The following MTMR12 variants were observed in gnomAD, a reference collection of about 807,000 sequenced individuals.
MTMR12 encodes myotubularin-related protein 12.
A neutral mutation model predicts 96.7 loss-of-function variants in MTMR12; 33 were observed. The ratio of observed to expected loss-of-function variants is 0.34; its 90% CI spans 0.26 to 0.46. MTMR12 has a LOEUF of 0.46. Among genes scored for constraint, MTMR12 ranks in the 20% least tolerant of loss-of-function variants. The pLI, the probability that MTMR12 is intolerant of heterozygous loss-of-function variation, is 1.00. For synonymous variants in MTMR12, 298 were observed against 327.2 expected (o/e 0.91, Z 0.96); for missense variants, 721 against 896.1 (o/e 0.80, Z 2.49).
At chr5:32,282,460 T>TAAATAAATA (rs1554062190) in intron 1 of MTMR12, among the ~76,000 whole-genome samples, 1 of 147,902 alleles carries the variant, frequency 6.8e-6, no homozygotes, top group African/African-American at 2.5e-5. Context: ...AATAAATAAA[T>TAAATAAATA]AAATAAAATA....
At position 32,227,467 on chromosome 5, in the gene MTMR12, T is replaced by TA. The variant is rs1747777414; in HGVS notation, c.*2310dup. 3 of 152,652 alleles carry TA rather than the reference T, an allele frequency of 2.0e-5. No individual in the cohort carries two copies. The highest frequency in any genetic ancestry group is 4.8e-5 in the African/African-American group (2 of 41,464). The allele number at this position is 152,652 out of a possible 1,614,324, so 9.5% of individuals were successfully genotyped here. ...ACAGCTTATTTTTCTATTGTAATTT[T>TA]AAAAAATCATAGAAAAATATGTCAA... On this transcript the variant is annotated 3_prime_UTR_variant, in exon 16 of 16. Coordinates refer to ENST00000382142, the MANE Select transcript of MTMR12 (RefSeq NM_001040446.3).
rs1205840358 is a variant in MTMR12, at chr5:32,312,832, C to G, written c.7G>C (p.Gly3Arg). ML[G>R]KGVVGGGGGT... ...CCGCCACCGCCGACTACTCCTTTCC[C>G]CAGCATACCGCCGCCCTGGGAAGCA... is the stretch of plus-strand genomic sequence containing the variant. Residue 3 changes from glycine to arginine, a missense_variant, in exon 1 of 16, where the codon GGG becomes CGG. Coordinates refer to ENST00000382142, the MANE Select transcript of MTMR12 (RefSeq NM_001040446.3). This position sits in a 1 kb window ranked among gnomAD's most constrained non-coding sequence, Gnocchi z 5.0. 3.3e-6 allele frequency: 5 copies of G among 1,529,380 alleles called. No homozygotes were observed. The highest frequency in any genetic ancestry group is 4.4e-6 in the Non-Finnish European group (5 of 1,141,904). The allele number at this position is 1,529,380 out of a possible 1,614,324, so 94.7% of individuals were successfully genotyped here.
At chr5:32,237,191 C>T (rs937324310) in intron 13 of MTMR12, among the ~76,000 whole-genome samples, 1 of 152,196 alleles carries the variant, frequency 6.6e-6, no homozygotes, top group African/African-American at 2.4e-5. Context: ...GTATGAAAAA[C>T]CACAAGTAAC....
chr5:32,244,225 G>A (rs1232807750), intron 10 of MTMR12, among the ~76,000 whole-genome samples: 1 of 151,582 alleles, frequency 6.6e-6, no homozygotes, highest in African/African-American at 2.4e-5. Context: ...GCTGCAGTGA[G>A]CTATGGTGGC....
At chr5:32,258,756 C>G (rs1399641406) in intron 7 of MTMR12, among the ~76,000 whole-genome samples, 1 of 152,164 alleles carries the variant, frequency 6.6e-6, no homozygotes, top group Non-Finnish European at 1.5e-5. Context: ...TAAACCAGAT[C>G]CTGAGCTCCT....
intron 2 of MTMR12, among the ~76,000 whole-genome samples, chr5:32,275,959 T>C (rs1182116823): frequency 6.6e-6 from 1 of 152,206 alleles, no homozygotes; most frequent in Non-Finnish European, 1.5e-5. Flanking sequence ...ATAAAGCCTG[T>C]ATTGTTTTGG....
At chr5:32,244,711 T>C (rs1748610645) in intron 10 of MTMR12, among the ~76,000 whole-genome samples, 1 of 152,248 alleles carries the variant, frequency 6.6e-6, no homozygotes, top group Non-Finnish European at 1.5e-5. Context: ...TAAACATGTA[T>C]TGTAATGTTT....
rs1751639098 is a variant in MTMR12 at position 32,312,532 on chromosome 5, C to A, written c.81+226G>T. The stretch of plus-strand genomic sequence containing the variant: ...CGGGCCCCTCCACCAGCCTCCAGCG[C>A]TCGGGCCCTGCGCTCAGGCACCTGC... On this transcript the variant is annotated intron_variant, in intron 1 of 15. Transcript: ENST00000382142. The surrounding 1 kb of genome is among the most constrained non-coding windows in gnomAD (Gnocchi z 5.0). 6.6e-6 allele frequency among the ~76,000 whole-genome samples: 1 copy of A among 152,202 alleles called. No individual in the cohort carries two copies. The highest frequency in any genetic ancestry group is 2.4e-5 in the African/African-American group (1 of 41,460).
chr5:32,258,902 C>CAAAAAAAAAAAAAA (rs5867141), intron 7 of MTMR12, among the ~76,000 whole-genome samples: 1 of 90,592 alleles, frequency 1.1e-5, no homozygotes. Context: ...TGGTCTTTCA[C>CAAAAAAAAAAAAAA]AAAAAAAAAA....
intron 1 of MTMR12, among the ~76,000 whole-genome samples, chr5:32,282,399 C>T (rs947672869): frequency 7.5e-5 from 11 of 146,872 alleles, no homozygotes; most frequent in East Asian, 2.0e-4. Flanking sequence ...CCAGCCTGGG[C>T]GACAGAGCAA....
rs910151477 is a variant in MTMR12, at chr5:32,312,088, CTGAA to C, written c.81+666_81+669del. 1.8e-4 allele frequency among the ~76,000 whole-genome samples: 27 copies of C among 152,182 alleles called. No individual in the cohort carries two copies. The highest frequency in any genetic ancestry group is 6.3e-4 in the African/African-American group (26 of 41,442). Reference sequence around the variant, plus strand: ...ACAGTAGGAGCTCGAGAAGTATTTTCTGAATGAATGAACAAATTTCTTGACCTGA... The same window carrying C: ...ACAGTAGGAGCTCGAGAAGTATTTTCTGAATGAACAAATTTCTTGACCTGA... On this transcript the variant is annotated intron_variant, in intron 1 of 15. Coordinates refer to ENST00000382142, the MANE Select transcript of MTMR12 (RefSeq NM_001040446.3). This position sits in a 1 kb window ranked among gnomAD's most constrained non-coding sequence, Gnocchi z 5.0.
At chr5:32,276,262 C>T (rs1408817527) in intron 2 of MTMR12, among the ~76,000 whole-genome samples, 1 of 152,252 alleles carries the variant, frequency 6.6e-6, no homozygotes, top group Non-Finnish European at 1.5e-5. Context: ...CACGTGCTCA[C>T]ATGCACAAGT....
intron 1 of MTMR12, among the ~76,000 whole-genome samples, chr5:32,288,049 G>A (rs1750609262): frequency 6.6e-6 from 1 of 152,128 alleles, no homozygotes; most frequent in Non-Finnish European, 1.5e-5. Context: ...GGCAGAGAAA[G>A]AGCTGAAATT....
At chr5:32,246,952 C>T (rs1414379213) in intron 10 of MTMR12, among the ~76,000 whole-genome samples, 1 of 152,260 alleles carries the variant, frequency 6.6e-6, no homozygotes, top group East Asian at 1.9e-4. Context: ...GTAGTTTTTT[C>T]ATAATATACA....
chr5:32,285,036 T>C (rs1750472956), intron 1 of MTMR12, among the ~76,000 whole-genome samples: 1 of 152,138 alleles, frequency 6.6e-6, no homozygotes, highest in African/African-American at 2.4e-5. Flanking sequence ...TAAACTAGAA[T>C]ATCTCAGTGG....
intron 1 of MTMR12, among the ~76,000 whole-genome samples, chr5:32,293,300 T>G (rs1380661930): frequency 6.6e-6 from 1 of 152,128 alleles, no homozygotes; most frequent in Non-Finnish European, 1.5e-5. Flanking sequence ...GGCAGACCCA[T>G]TCTTAATCTG....
chr5:32,229,676 G>T lies in MTMR12; in HGVS notation c.*102C>A. On this transcript the variant is annotated 3_prime_UTR_variant, in exon 16 of 16. Transcript: ENST00000382142. ...CCCAGGTTTATTCTAACGGAGTGCC[G>T]GGCTAAGGACCCAGCCAGCATGAGC... The T allele has an allele frequency of 1.7e-6, 2 of 1,165,520 alleles. No individual in the cohort carries two copies. Among genetic ancestry groups the T allele is most frequent in the Non-Finnish European group, 1.1e-6 (1 of 870,144 alleles). 72.2% of individuals were successfully genotyped at this position (1,165,520 alleles called of 1,614,324 possible).
intron 1 of MTMR12, among the ~76,000 whole-genome samples, chr5:32,286,269 A>G (rs2112119479): frequency 6.6e-6 from 1 of 152,218 alleles, no homozygotes; most frequent in South Asian, 2.1e-4. Flanking sequence ...GAACCTCAGG[A>G]GGTGGAGGCT....
intron 1 of MTMR12, among the ~76,000 whole-genome samples, chr5:32,277,567 T>G (rs2112097699): frequency 6.6e-6 from 1 of 152,156 alleles, no homozygotes; most frequent in South Asian, 2.1e-4. Context: ...GGCATGGTAG[T>G]GAGTGCCTGT....
Sources: allele counts gnomAD v4.1 joint callset (sites outside exome capture counted in the v4.1 genomes callset), GRCh38; gene constraint gnomAD v4.1.1; non-coding constraint Gnocchi (gnomAD v3.1); transcripts MANE v1.5; gene names NCBI Gene and HGNC (gene_info 2026-07-23, HGNC 2026-07-21).